Variants in MED14 observed in about 807,000 individuals in gnomAD.
MED14 encodes mediator of RNA polymerase II transcription subunit 14.
Under a neutral mutation model 109.0 loss-of-function variants are expected in MED14, and 8 were observed. The observed-to-expected ratio is 0.07, with a 90% CI of 0.04 to 0.13. MED14 has a LOEUF of 0.13. Ranked by LOEUF, MED14 falls within the 10% of genes least tolerant of loss-of-function variation. MED14 has a pLI of 1.00. For synonymous variants in MED14, 399 were observed against 408.7 expected (o/e 0.98, Z 0.29); for missense variants, 711 against 1,142.4 (o/e 0.62, Z 5.44).
Position 40,735,226 on chromosome X carries a change from A to G in MED14, c.187T>C (p.Tyr63His). The part of the protein sequence containing the change: ...TLIEFLLHRA[Y>H]SELMVLTDLL... ...TCCGTCAACACCATAAGCTCCGAGTAGGCCCGGTGCAGCAGAAATTCAATG... is the reference window on the plus strand; with the variant it reads ...TCCGTCAACACCATAAGCTCCGAGTGGGCCCGGTGCAGCAGAAATTCAATG... Residue 63 changes from tyrosine to histidine, a missense_variant, in exon 1 of 31, where the codon TAC becomes CAC. Transcript: ENST00000324817. 1 of 1,144,631 alleles carries G rather than the reference A, an allele frequency of 8.7e-7. No individual in the cohort carries two copies. The highest frequency in any genetic ancestry group is 1.2e-6 in the Non-Finnish European group (1 of 861,256). The allele number at this position is 1,144,631 out of a possible 1,213,427, so 94.3% of individuals were successfully genotyped here. A position where few individuals can be genotyped will look rare whatever the true frequency, so the allele number is the denominator to read the frequency against.
At position 40,651,611 on chromosome X, in the gene MED14, T is replaced by G. The variant is rs1928878311; in HGVS notation, c.*195A>C. 9.8e-7 allele frequency: 1 copy of G among 1,017,735 alleles called. No homozygotes were observed. Among genetic ancestry groups the G allele is most frequent in the Non-Finnish European group, 1.3e-6 (1 of 799,505 alleles). 83.9% of individuals were successfully genotyped at this position (1,017,735 alleles called of 1,213,427 possible). The stretch of plus-strand genomic sequence containing the variant: ...TGAAATGTGTCCCATTTAAACACAC[T>G]ATACAAGTTCATTATACAAAAGATG... On this transcript the variant is annotated 3_prime_UTR_variant, in exon 31 of 31. Transcript: ENST00000324817.
chrX:40,714,454 T>C (rs1370944418), intron 4 of MED14, 83 bp downstream of exon 4: 67 of 1,001,934 alleles, frequency 6.7e-5, no homozygotes, highest in Non-Finnish European at 8.8e-5. Context: ...ACAATGTTTT[T>C]TGCTGGGCTA....
intron 4 of MED14, 40 bp from the exon 5 acceptor site, chrX:40,713,947 C>T (rs372522605): frequency 2.4e-5 from 28 of 1,165,138 alleles, no homozygotes; most frequent in African/African-American, 1.1e-4. Flanking sequence ...AATGTACAAA[C>T]GGGGATTTTT....
intron 24 of MED14, among the ~76,000 whole-genome samples, chrX:40,665,596 A>G (rs2054605971): frequency 8.9e-6 from 1 of 112,194 alleles, no homozygotes; most frequent in Non-Finnish European, 1.9e-5. Flanking sequence ...TTTCTTCACT[A>G]ATAAAGAAAT....
chrX:40,720,155 C>A (rs998729241), intron 3 of MED14, among the ~76,000 whole-genome samples: 1 of 112,149 alleles, frequency 8.9e-6, no homozygotes, highest in Non-Finnish European at 1.9e-5. Context: ...CCAGTCACCC[C>A]CTCTCCAGGA....
At position 40,675,334 on chromosome X, in the gene MED14, T is replaced by A. The variant is rs1569283537; in HGVS notation, c.2908A>T (p.Asn970Tyr). 8.4e-7 allele frequency: 1 copy of A among 1,194,283 alleles called. No homozygotes were observed. The highest frequency in any genetic ancestry group is 3.0e-5 in the East Asian group (1 of 32,926). Residue 970 changes from asparagine (N) to tyrosine (Y), a missense_variant, in exon 22 of 31, where the codon AAT (asparagine) becomes TAT (tyrosine). This residue lies in a region of MED14 where 100 missense variants were observed against 147.5 expected (regional missense o/e 0.68). Transcript: ENST00000324817. ...KTFLNMFVDS[N>Y]QDARRRSVNE... ...ACAGACCTTCTTCGAGCATCCTGAT[T>A]GCTGTCAACAAACATATTCAGGAAC...
intron 21 of MED14, 30 bp downstream of exon 21, chrX:40,679,834 T>C (rs762423310): frequency 5.1e-6 from 6 of 1,183,200 alleles, no homozygotes; most frequent in Non-Finnish European, 6.8e-6. Flanking sequence ...TTTTTATGTT[T>C]ACTCATGTTA....
In MED14 at chrX:40,735,276, C is replaced by A. The variant is rs774181908; in HGVS notation, c.137G>T (p.Ser46Ile). Residue 46 changes from serine (S) to isoleucine (I), a missense_variant, in exon 1 of 31, where the codon AGC becomes ATC. By Grantham distance (142) the Ser-to-Ile change is moderately radical. Transcript: ENST00000324817. The stretch of plus-strand genomic sequence containing the variant: ...GAGGGTGCTCAGCCGGTAGCCCGGG[C>A]TAGCCGCAGCTGCAGCGGCCGCCGC... ...AVAAAAAAAA[S>I]PGYRLSTLIE... The A allele has an allele frequency of 8.8e-6, 10 of 1,140,426 alleles. No individual in the cohort carries two copies. The highest frequency in any genetic ancestry group is 2.6e-4 in the Middle Eastern group (1 of 3,886). 94.0% of individuals were successfully genotyped at this position (1,140,426 alleles called of 1,213,427 possible).
At chrX:40,718,984 C>A (rs1373661185) in intron 3 of MED14, among the ~76,000 whole-genome samples, 2 of 111,975 alleles carry the variant, frequency 1.8e-5, no homozygotes, top group Non-Finnish European at 3.8e-5. Flanking sequence ...TAATAATCTC[C>A]TTTAGAATTT....
intron 23 of MED14, among the ~76,000 whole-genome samples, chrX:40,670,729 C>G (rs1232205024): frequency 1.9e-5 from 2 of 107,977 alleles, no homozygotes; most frequent in African/African-American, 6.8e-5. Flanking sequence ...CCACTGCAGT[C>G]CACAGTCCGG....
intron 15 of MED14, 144 bp downstream of exon 15, chrX:40,692,039 G>A: frequency 8.7e-6 from 4 of 458,677 alleles, no homozygotes; most frequent in Non-Finnish European, 1.4e-5. Context: ...TAGATGCTAT[G>A]ATTGTAACCC....
At chrX:40,682,016 G>T in intron 18 of MED14, 73 bp from the exon 19 acceptor site, 1 of 469,443 alleles carries the variant, frequency 2.1e-6, no homozygotes, top group Non-Finnish European at 3.4e-6. Context: ...TGAGTAACAG[G>T]GCATTTTGGC....
intron 22 of MED14, among the ~76,000 whole-genome samples, chrX:40,673,362 C>T (rs1929791818): frequency 8.9e-6 from 1 of 112,132 alleles, no homozygotes; most frequent in Non-Finnish European, 1.9e-5. Flanking sequence ...GAAAATTCCT[C>T]AAGTTTTCCC....
At chrX:40,661,108 T>C (rs1241350068) in intron 26 of MED14, among the ~76,000 whole-genome samples, 2 of 109,407 alleles carry the variant, frequency 1.8e-5, no homozygotes, top group African/African-American at 6.7e-5. Flanking sequence ...GTTTTGAGAG[T>C]CTCGCTCTGT....
At position 40,654,347 on chromosome X, in the gene MED14, GTCTAC is replaced by G. The variant is rs1569277038; in HGVS notation, c.4291+12_4291+16del. 1 of 1,203,140 alleles carries G rather than the reference GTCTAC, an allele frequency of 8.3e-7. No individual in the cohort carries two copies. The highest frequency in any genetic ancestry group is 3.0e-5 in the East Asian group (1 of 33,784). On this transcript the variant is annotated intron_variant, in intron 30 of 30. Transcript: ENST00000324817. ...TATAACATATATGCAATAAAATATTGTCTACTGGTCATGTACCTTGTCGTGGTGGA... is the reference window on the plus strand; with the variant it reads ...TATAACATATATGCAATAAAATATTGTGGTCATGTACCTTGTCGTGGTGGA...
At chrX:40,677,625 A>C (rs758029044) in intron 21 of MED14, among the ~76,000 whole-genome samples, 1 of 112,130 alleles carries the variant, frequency 8.9e-6, no homozygotes, top group African/African-American at 3.2e-5. Flanking sequence ...GAAATAAAAA[A>C]TAGAGGGATT....
intron 12 of MED14, among the ~76,000 whole-genome samples, chrX:40,698,214 T>C (rs779265541): frequency 1.5e-3 from 173 of 112,543 alleles, no homozygotes; most frequent in African/African-American, 4.9e-3. Context: ...CTCTAGTATG[T>C]ATGTTATTAA....
chrX:40,697,220 A>G, intron 12 of MED14, 37 bp from the exon 13 acceptor site: 1 of 981,778 alleles, frequency 1.0e-6, no homozygotes, highest in African/African-American at 1.9e-5. Flanking sequence ...CAAATCTCAG[A>G]CTTTTCTGAT....
At chrX:40,718,159 A>G (rs754869244) in intron 3 of MED14, among the ~76,000 whole-genome samples, 22 of 112,451 alleles carry the variant, frequency 2.0e-4, no homozygotes, top group Admixed American at 4.7e-4. Context: ...AGCATGGTCC[A>G]GTAAAAATGC....
Sources: allele counts gnomAD v4.1 joint callset (sites outside exome capture counted in the v4.1 genomes callset), GRCh38; gene constraint gnomAD v4.1.1; regional missense constraint gnomAD v4.1.1; transcripts MANE v1.5; gene names NCBI Gene and HGNC (gene_info 2026-07-23, HGNC 2026-07-21).